Variants in CNKSR2 observed in about 807,000 individuals in gnomAD.
CNKSR2 encodes CNK homolog protein 2.
In CNKSR2, 14 loss-of-function variants were observed where a neutral mutation model predicts 84.4. The observed-to-expected ratio is 0.17, with a 90% CI of 0.11 to 0.26. The LOEUF (loss-of-function observed/expected upper bound fraction) is 0.26, where lower values mean the gene tolerates loss of function less well. CNKSR2 is among the 10% of genes least tolerant of loss of function. The pLI is 1.00. For missense variants in CNKSR2, 485 were observed against 771.2 expected (o/e 0.63, Z 4.40); for synonymous variants, 275 against 277.9 (o/e 0.99, Z 0.10).
In CNKSR2 at chrX:21,649,040, A is replaced by G. The variant is rs377289622; in HGVS notation, c.2889+13A>G. The G allele has an allele frequency of 4.4e-6, 5 of 1,127,041 alleles. No homozygotes were observed. In the African/African-American group the frequency reaches 7.3e-5, roughly 16 times the overall value. The allele number at this position is 1,127,041 out of a possible 1,213,427, so 92.9% of individuals were successfully genotyped here. A position where few individuals can be genotyped will look rare whatever the true frequency, so the allele number is the denominator to read the frequency against. ...AAGCACTTTAAAGGTAAGACAAGAA[A>G]TGGAAGGACAAATTTCTTTGAAGAG... On this transcript the variant is annotated intron_variant, in intron 21 of 21. Transcript: ENST00000379510.
chrX:21,472,296 G>A (rs991889314), intron 5 of CNKSR2, among the ~76,000 whole-genome samples: 12 of 111,901 alleles, frequency 1.1e-4, no homozygotes, highest in African/African-American at 3.9e-4. Context: ...TACTGAATTC[G>A]ACTTTGGTAT....
intron 20 of CNKSR2, among the ~76,000 whole-genome samples, chrX:21,617,553 C>T (rs2092582584): frequency 9.0e-6 from 1 of 111,670 alleles, no homozygotes; most frequent in Non-Finnish European, 1.9e-5. Flanking sequence ...CTTTACTCTC[C>T]AAAGTTAACT....
chrX:21,421,335 C>T (rs1251528569), intron 1 of CNKSR2, among the ~76,000 whole-genome samples: 1 of 102,156 alleles, frequency 9.8e-6, no homozygotes, highest in Non-Finnish European at 2.0e-5. Context: ...TTCAGTGATG[C>T]GAAGTTAAAA....
chrX:21,585,454 A>G (rs191503559), intron 13 of CNKSR2, among the ~76,000 whole-genome samples: 1 of 108,891 alleles, frequency 9.2e-6, no homozygotes. Context: ...AAATACATTC[A>G]TTGTGAAAAC....
chrX:21,590,823 G>T lies in CNKSR2; in HGVS notation c.1658-199G>T, dbSNP rs2092416205. Reference sequence around the variant, plus strand: ...AACAAATGATCTCAATAAGTTTTGAGAGTGGTGTTACATATTTCTGATTAA... The same window carrying T: ...AACAAATGATCTCAATAAGTTTTGATAGTGGTGTTACATATTTCTGATTAA... On this transcript the variant is annotated intron_variant, in intron 14 of 21. Transcript: ENST00000379510. 5 of 461,405 alleles carry T rather than the reference G, an allele frequency of 1.1e-5. No individual in the cohort carries two copies. The Admixed American group carries it at 2.1e-4, about 19-fold the overall frequency. 38.0% of individuals were successfully genotyped at this position (461,405 alleles called of 1,213,427 possible).
intron 8 of CNKSR2, among the ~76,000 whole-genome samples, chrX:21,514,858 C>G (rs1189914887): frequency 9.0e-6 from 1 of 110,816 alleles, no homozygotes; most frequent in East Asian, 2.8e-4. Flanking sequence ...TTTTGGCAAG[C>G]AAAATGAACC....
At chrX:21,616,356 T>G (rs1245119519) in intron 20 of CNKSR2, among the ~76,000 whole-genome samples, 1 of 112,027 alleles carries the variant, frequency 8.9e-6, no homozygotes, top group Non-Finnish European at 1.9e-5. Context: ...AAAGAATGAA[T>G]GAGTGAATGA....
chrX:21,383,571 A>G (rs1408776278), intron 1 of CNKSR2, among the ~76,000 whole-genome samples: 1 of 112,318 alleles, frequency 8.9e-6, no homozygotes, highest in African/African-American at 3.2e-5. Context: ...TTTACTTGGC[A>G]TTAATGTTCT....
intron 1 of CNKSR2, among the ~76,000 whole-genome samples, chrX:21,394,177 A>G (rs1002001734): frequency 8.9e-6 from 1 of 112,272 alleles, no homozygotes; most frequent in African/African-American, 3.2e-5. Flanking sequence ...CAGAAATGGA[A>G]TAACATTCTG....
chrX:21,519,851 A>G (rs992935769), intron 9 of CNKSR2, among the ~76,000 whole-genome samples: 3 of 111,179 alleles, frequency 2.7e-5, no homozygotes, highest in Non-Finnish European at 3.8e-5. Context: ...TATCTTTTTA[A>G]TAAACAAGTT....
intron 11 of CNKSR2, among the ~76,000 whole-genome samples, chrX:21,557,266 T>C (rs1385372926): frequency 3.6e-5 from 4 of 111,425 alleles, no homozygotes; most frequent in African/African-American, 9.7e-5. Flanking sequence ...TATATCATTA[T>C]ACAGCACTTC....
intron 1 of CNKSR2, among the ~76,000 whole-genome samples, chrX:21,410,860 C>G (rs1277032768): frequency 1.9e-5 from 2 of 105,187 alleles, no homozygotes; most frequent in Non-Finnish European, 3.9e-5. Flanking sequence ...TGCTGACATT[C>G]ATTTATAGTG....
intron 9 of CNKSR2, among the ~76,000 whole-genome samples, chrX:21,518,615 G>A (rs2091752447): frequency 9.0e-6 from 1 of 111,142 alleles, no homozygotes; most frequent in Non-Finnish European, 1.9e-5. Flanking sequence ...TATACATTGG[G>A]TGTAGGTATT....
Position 21,563,298 on chromosome X carries a change from A to G in CNKSR2, c.1454A>G (p.Gln485Arg). The G allele has an allele frequency of 8.3e-7, 1 of 1,210,108 alleles. No homozygotes were observed. Among genetic ancestry groups the G allele is most frequent in the Non-Finnish European group, 1.1e-6 (1 of 894,184 alleles). Residue 485 changes from glutamine (Q) to arginine (R), a missense_variant, in exon 13 of 22, where the codon CAG becomes CGG. Gln to Arg is a conservative substitution (Grantham distance 43, BLOSUM62 1). Around this residue, in one of 5 missense-constraint regions of CNKSR2, gnomAD observed 132 missense variants for 166.7 expected, o/e 0.79. Transcript: ENST00000379510. ...ATTGCTCAAGAAGAATACATGTTTCAGAGAAACAGCAAAAAGGACACAGGG... is the reference window on the plus strand; with the variant it reads ...ATTGCTCAAGAAGAATACATGTTTCGGAGAAACAGCAAAAAGGACACAGGG... ...EKIAQEEYMF[Q>R]RNSKKDTGKK...
In CNKSR2 at chrX:21,530,465, C is replaced by G. The variant is rs10521914; in HGVS notation, c.1092-1391C>G. ...GGCTCATATTTTAGAATTCACATTA[C>G]TTTTATAAGCTCATCACCATTTTAT... On this transcript the variant is annotated intron_variant, in intron 10 of 21. Coordinates refer to ENST00000379510, the MANE Select transcript of CNKSR2 (RefSeq NM_014927.5). Among the ~76,000 whole-genome samples the G allele has an allele frequency of 6.9e-3, 765 of 111,147 alleles. 4 individuals are homozygous for G. Among genetic ancestry groups the G allele is most frequent in the African/African-American group, 0.024 (725 of 30,739 alleles).
At chrX:21,541,052 G>A (rs185365316) in intron 11 of CNKSR2, among the ~76,000 whole-genome samples, 4 of 108,787 alleles carry the variant, frequency 3.7e-5, no homozygotes, top group Non-Finnish European at 5.7e-5. Context: ...GCACGATCTC[G>A]GCTCACTGCA....
intron 2 of CNKSR2, chrX:21,428,344 G>A (rs1165281726): frequency 8.9e-6 from 1 of 111,749 alleles, no homozygotes; most frequent in Non-Finnish European, 1.9e-5. Context: ...GATTCCTTTT[G>A]TTTCTTTAAG....
At chrX:21,568,362 G>A (rs1318766564) in intron 13 of CNKSR2, among the ~76,000 whole-genome samples, 1 of 111,518 alleles carries the variant, frequency 9.0e-6, no homozygotes, top group African/African-American at 3.3e-5. Flanking sequence ...AAGTAAAATT[G>A]GATTATAGAT....
At chrX:21,529,700 A>T (rs1405002658) in intron 10 of CNKSR2, among the ~76,000 whole-genome samples, 2 of 111,021 alleles carry the variant, frequency 1.8e-5, no homozygotes, top group Non-Finnish European at 3.8e-5. Flanking sequence ...ACACATACAC[A>T]TACACACATT....
Sources: gnomAD v4.1 joint callset for allele counts (sites outside exome capture counted in the v4.1 genomes callset) on GRCh38, gnomAD v4.1.1 for gene constraint, gnomAD v4.1.1 regional missense constraint, MANE v1.5 for transcripts, NCBI Gene and HGNC (gene_info 2026-07-23, HGNC 2026-07-21) for gene names.